EIF4B: variants seen among roughly 807,000 people sequenced by gnomAD.
The protein encoded by EIF4B is eukaryotic translation initiation factor 4B.
A neutral mutation model predicts 79.3 loss-of-function variants in EIF4B; 8 were observed. The ratio of observed to expected loss-of-function variants is 0.10; its 90% confidence interval spans 0.06 to 0.18. EIF4B has a LOEUF of 0.18. Among genes scored for constraint, EIF4B ranks in the 10% least tolerant of loss-of-function variants. The probability of loss-of-function intolerance (pLI) is 1.00; values close to 1 mark genes in which losing one functional copy is unlikely to be tolerated. For missense variants in EIF4B, 515 were observed against 792.4 expected, an observed-to-expected ratio of 0.65 and a Z score of 4.20; for synonymous variants, 238 against 274.7, an observed-to-expected ratio of 0.87 and a Z score of 1.32.
chr12:53,033,747 T>G, intron 8 of EIF4B, 59 bp from the exon 9 acceptor site: 1 of 1,516,146 alleles, frequency 6.6e-7, no homozygotes, highest in African/African-American at 1.4e-5. Flanking sequence ...GAAATCTGGC[T>G]TTCAGCCATC....
At chr12:53,030,410 A>ATTTTTTTTTTTTTTTTTTT (rs1555153412) in intron 8 of EIF4B, among the ~76,000 whole-genome samples, 63 of 34,216 alleles carry the variant, frequency 1.8e-3, no homozygotes, top group Non-Finnish European at 4.5e-3. Flanking sequence ...AAAAAATTAT[A>ATTTTTTTTTTTTTTTTTTT]TTCTTTTTTT....
At chr12:53,019,111 A>G in intron 3 of EIF4B, 105 bp downstream of exon 3, 1 of 1,340,398 alleles carries the variant, frequency 7.5e-7, no homozygotes, top group East Asian at 2.5e-5. Flanking sequence ...TAGAAATATA[A>G]TTTAAGGCCG....
At chr12:53,022,805 T>C (rs1410189569) in intron 6 of EIF4B, among the ~76,000 whole-genome samples, 178 bp downstream of exon 6, 1 of 152,234 alleles carries the variant, frequency 6.6e-6, no homozygotes, top group African/African-American at 2.4e-5. Context: ...ATTTGATAAA[T>C]TAATAATTTT....
chr12:53,011,010 TC>T (rs1192668262), intron 1 of EIF4B, among the ~76,000 whole-genome samples: 1 of 152,164 alleles, frequency 6.6e-6, no homozygotes, highest in Non-Finnish European at 1.5e-5. Flanking sequence ...ACTCCTGTAA[TC>T]CCAGCACTTT....
chr12:53,040,382 C>G lies in EIF4B; in HGVS notation c.*159C>G. On this transcript the variant is annotated 3_prime_UTR_variant, in exon 15 of 15. Transcript: ENST00000262056. Reference sequence around the variant, plus strand: ...ACAAAAAATGAAATTATTTTGCATGCTGCTGCAGCCTTTAAAGTATTGAAG... The same window carrying G: ...ACAAAAAATGAAATTATTTTGCATGGTGCTGCAGCCTTTAAAGTATTGAAG... 1.5e-6 allele frequency: 1 copy of G among 676,270 alleles called. No homozygotes were observed. Among genetic ancestry groups the G allele is most frequent in the Non-Finnish European group, 2.4e-6 (1 of 414,420 alleles). The allele number at this position is 676,270 out of a possible 1,614,324, so 41.9% of individuals were successfully genotyped here.
intron 12 of EIF4B, chr12:53,038,947 A>G (rs1943584347): frequency 4.0e-6 from 1 of 251,666 alleles, no homozygotes; most frequent in Non-Finnish European, 7.5e-6. Context: ...AAAAATCGGA[A>G]GGAAATTAAC....
At chr12:53,031,736 T>C (rs1461171047) in intron 8 of EIF4B, among the ~76,000 whole-genome samples, 3 of 152,216 alleles carry the variant, frequency 2.0e-5, no homozygotes, top group Non-Finnish European at 4.4e-5. Flanking sequence ...TGTTAAACAG[T>C]ACCCTCTATC....
chr12:53,039,049 G>GT lies in EIF4B; in HGVS notation c.1577-183dup, dbSNP rs1359061860. 14 of 491,032 alleles carry GT rather than the reference G, an allele frequency of 2.9e-5. No homozygotes were observed. The East Asian group carries it at 3.8e-4, about 13-fold the overall frequency. The allele number at this position is 491,032 out of a possible 1,614,324, so 30.4% of individuals were successfully genotyped here. On this transcript the variant is annotated intron_variant, in intron 12 of 14. Transcript: ENST00000262056. ...TGGAACTTTTTAGTGGATTTTGTTT[G>GT]TTTTTTGTATTTTTGTGTGCTGTAG...
At chr12:53,018,163 G>T (rs1046038050) in intron 2 of EIF4B, among the ~76,000 whole-genome samples, 2 of 152,142 alleles carry the variant, frequency 1.3e-5, no homozygotes, top group Non-Finnish European at 2.9e-5. Flanking sequence ...GCTAATTTTT[G>T]TATTTTTAGT....
intron 1 of EIF4B, chr12:53,013,913 C>T (rs1333854599): frequency 6.6e-6 from 1 of 152,168 alleles, no homozygotes; most frequent in East Asian, 1.9e-4. Flanking sequence ...CTAATCCCAG[C>T]ACTTTGGAAG....
chr12:53,026,220 A>C (rs532198786), intron 6 of EIF4B, among the ~76,000 whole-genome samples: 2 of 151,904 alleles, frequency 1.3e-5, no homozygotes, highest in South Asian at 4.1e-4. Flanking sequence ...TTTTTTTTTT[A>C]ACTTTAAAAT....
chr12:53,019,168 G>A (rs1267844652), intron 3 of EIF4B, among the ~76,000 whole-genome samples, 162 bp downstream of exon 3: 1 of 152,310 alleles, frequency 6.6e-6, no homozygotes, highest in East Asian at 1.9e-4. Flanking sequence ...GGAGTCTGAG[G>A]CGGGTGGATC....
rs778632992 is a variant in EIF4B at position 53,034,768 on chromosome 12, C to T, written c.1306+59C>T. ...CCGTTTTCCATAAACTATCCATAAC[C>T]AAATTATGCAGAGACCCTGCAATAT... is the stretch of plus-strand genomic sequence containing the variant. On this transcript the variant is annotated intron_variant, in intron 10 of 14. Coordinates refer to ENST00000262056, the MANE Select transcript of EIF4B (RefSeq NM_001417.7). 3 of 1,572,450 alleles carry T rather than the reference C, an allele frequency of 1.9e-6. No individual in the cohort carries two copies. In the Admixed American group the frequency reaches 5.0e-5, roughly 26 times the overall value.
In EIF4B at chr12:53,041,003, G is replaced by A. The variant is rs1943626065; in HGVS notation, c.*780G>A. 1 of 152,180 alleles carries A rather than the reference G, an allele frequency of 6.6e-6. No individual in the cohort carries two copies. The highest frequency in any genetic ancestry group is 2.4e-5 in the African/African-American group (1 of 41,446). 9.4% of individuals were successfully genotyped at this position (152,180 alleles called of 1,614,324 possible). On this transcript the variant is annotated 3_prime_UTR_variant, in exon 15 of 15. Transcript: ENST00000262056. ...TTTCCTGGAGCCGGAAGCACTTGGG[G>A]GTCGTGGTAATTCCCAGTGTTTTCT...
At chr12:53,019,856 T>C in intron 3 of EIF4B, 54 bp from the exon 4 acceptor site, 1 of 1,560,700 alleles carries the variant, frequency 6.4e-7, no homozygotes, top group Non-Finnish European at 8.8e-7. Flanking sequence ...TCTCAAAAAA[T>C]GACAAATGAA....
At chr12:53,022,715 C>A in intron 6 of EIF4B, 88 bp downstream of exon 6, 1 of 1,436,406 alleles carries the variant, frequency 7.0e-7, no homozygotes, top group Non-Finnish European at 9.2e-7. Flanking sequence ...GATCAGATCA[C>A]ATTAACAGAT....
In EIF4B at chr12:53,012,796, C is replaced by T. The variant is rs144697404; in HGVS notation, c.14-3677C>T. ...AATTTTTTTGTATTTTTAGTAGAGA[C>T]GGGGTTTCACCATGTTAGCCAGGAT... On this transcript the variant is annotated intron_variant, in intron 1 of 14. Transcript: ENST00000262056. Among the ~76,000 whole-genome samples the T allele has an allele frequency of 0.012, 1,807 of 151,480 alleles. 59 individuals are homozygous for T. The East Asian group carries it at 0.12, about 10-fold the overall frequency.
rs976225055 is a variant in EIF4B at position 53,041,016 on chromosome 12, C to A, written c.*793C>A. ...GAAGCACTTGGGGGTCGTGGTAATT[C>A]CCAGTGTTTTCTGTGTCCTAGTTTT... On this transcript the variant is annotated 3_prime_UTR_variant, in exon 15 of 15. Coordinates refer to ENST00000262056, the MANE Select transcript of EIF4B (RefSeq NM_001417.7). The A allele has an allele frequency of 3.9e-5, 6 of 152,146 alleles. No homozygotes were observed. Among genetic ancestry groups the A allele is most frequent in the African/African-American group, 1.4e-4 (6 of 41,428 alleles). 9.4% of individuals were successfully genotyped at this position (152,146 alleles called of 1,614,324 possible).
rs531630880 is a variant in EIF4B at position 53,027,738 on chromosome 12, G to A, written c.668-44G>A. ...ATAGCTTACCGTGTTTCTATTAATG[G>A]TGTCAGAGAAAAGGGGATGGTGTTA... On this transcript the variant is annotated intron_variant, in intron 6 of 14. Transcript: ENST00000262056. 5 of 1,589,958 alleles carry A rather than the reference G, an allele frequency of 3.1e-6. No individual in the cohort carries two copies. In the African/African-American group the frequency reaches 5.4e-5, roughly 17 times the overall value.
Sources: allele counts gnomAD v4.1 joint callset (sites outside exome capture counted in the v4.1 genomes callset), GRCh38; gene constraint gnomAD v4.1.1; transcripts MANE v1.5; gene names NCBI Gene and HGNC (gene_info 2026-07-23, HGNC 2026-07-21).